The following MEF2B variants were observed in gnomAD, a reference collection of about 807,000 sequenced individuals.
MEF2B encodes myocyte-specific enhancer factor 2B.
In MEF2B, 15 loss-of-function variants were observed where a neutral mutation model predicts 32.2. The ratio of observed to expected loss-of-function variants is 0.47; its 90% CI spans 0.31 to 0.72. The LOEUF is 0.72. Among genes scored for constraint, MEF2B ranks in the 30% least tolerant of loss-of-function variants. The pLI is 0.05. For synonymous variants in MEF2B, 205 were observed against 225.6 expected, an observed-to-expected ratio of 0.91 and a Z score of 0.82; for missense variants, 441 against 511.5, an observed-to-expected ratio of 0.86 and a Z score of 1.33.
chr19:19,147,100 T>C lies in MEF2B; in HGVS notation c.477A>G (p.Glu159=). Residue 159 remains glutamate, a synonymous_variant, in exon 5 of 9, where the codon GAA becomes GAG. Coordinates refer to ENST00000424583, the MANE Select transcript of MEF2B (RefSeq NM_001145785.2). ...ATGGGCGGCTCTGGGCGGGCAGTGC[T>C]TCCCCAAGCCCACTGGGGTCACAGC... ...PPGCDPSGLG[E]ALPAQSRPSP... The C allele has an allele frequency of 6.2e-7, 1 of 1,609,174 alleles. No homozygotes were observed.
At chr19:19,146,677 T>C in intron 6 of MEF2B, 29 bp from the exon 7 acceptor site, 1 of 1,613,428 alleles carries the variant, frequency 6.2e-7, no homozygotes, top group Non-Finnish European at 8.5e-7. Flanking sequence ...AAGGGGAAAC[T>C]GAGGCCCACA....
chr19:19,147,027 C>T lies in MEF2B; in HGVS notation c.541+9G>A. ...GGACCTCACCCCTGCCCCACTGTCC[C>T]ATGCTCACCTGGGGGCCCGGCTTTG... On this transcript the variant is annotated intron_variant, in intron 5 of 8. Coordinates refer to ENST00000424583, the MANE Select transcript of MEF2B (RefSeq NM_001145785.2). The T allele has an allele frequency of 6.3e-7, 1 of 1,594,742 alleles. No individual in the cohort carries two copies. Among genetic ancestry groups the T allele is most frequent in the Non-Finnish European group, 8.5e-7 (1 of 1,171,490 alleles).
At chr19:19,154,914 G>A (rs2060110233) in intron 1 of MEF2B, among the ~76,000 whole-genome samples, 2 of 152,194 alleles carry the variant, frequency 1.3e-5, no homozygotes, top group African/African-American at 4.8e-5. Flanking sequence ...TCTGTGCTAG[G>A]CCTGTGCCTT....
At chr19:19,168,145 T>C (rs1372158296) in intron 1 of MEF2B, among the ~76,000 whole-genome samples, 1 of 152,212 alleles carries the variant, frequency 6.6e-6, no homozygotes, top group Non-Finnish European at 1.5e-5. Flanking sequence ...TCCAGTTTCC[T>C]TCACTCCAAG....
At chr19:19,156,049 G>C (rs1241010110) in intron 1 of MEF2B, among the ~76,000 whole-genome samples, 1 of 152,176 alleles carries the variant, frequency 6.6e-6, no homozygotes, top group Non-Finnish European at 1.5e-5. Flanking sequence ...CGCAGAGGCT[G>C]GATGGGAGCC....
intron 1 of MEF2B, among the ~76,000 whole-genome samples, chr19:19,169,828 T>A (rs2146392228): frequency 6.6e-6 from 1 of 152,134 alleles, no homozygotes; most frequent in African/African-American, 2.4e-5. Flanking sequence ...GATGCGCTAA[T>A]GCTAAAGGAG....
intron 1 of MEF2B, among the ~76,000 whole-genome samples, chr19:19,165,366 C>A (rs772445502): frequency 6.6e-6 from 1 of 152,076 alleles, no homozygotes; most frequent in Non-Finnish European, 1.5e-5. Flanking sequence ...TTGCTTGAAC[C>A]CGGGAGGCGG....
At position 19,152,287 on chromosome 19, in the gene MEF2B, G is replaced by A. The variant is rs115682918; in HGVS notation, c.-29-1523C>T. 2.8e-3 allele frequency among the ~76,000 whole-genome samples: 429 copies of A among 150,838 alleles called. 2 individuals carry two copies. Among genetic ancestry groups the A allele is most frequent in the African/African-American group, 0.01 (416 of 41,062 alleles). Reference sequence around the variant, plus strand: ...TTAAAAATGCAAAAATTAACCAGCTGTCGTGGCGCACACCTGTAGTCCCAG... The same window carrying A: ...TTAAAAATGCAAAAATTAACCAGCTATCGTGGCGCACACCTGTAGTCCCAG... On this transcript the variant is annotated intron_variant, in intron 1 of 8. Transcript: ENST00000424583.
At position 19,145,668 on chromosome 19, in the gene MEF2B, C is replaced by T; in HGVS notation, c.*129G>A. 2 of 1,540,212 alleles carry T rather than the reference C, an allele frequency of 1.3e-6. No homozygotes were observed. The highest frequency in any genetic ancestry group is 2.0e-5 in the Admixed American group (1 of 48,802). On this transcript the variant is annotated 3_prime_UTR_variant, in exon 9 of 9. Coordinates refer to ENST00000424583, the MANE Select transcript of MEF2B (RefSeq NM_001145785.2). The surrounding 1 kb of genome is among the most constrained non-coding windows in gnomAD (Gnocchi z 4.6). ...GTGGATTGAGTCCAGCCGCCCACCTCCAAGCCCCCACCGCGGAGGGGGGCG... is the reference window on the plus strand; with the variant it reads ...GTGGATTGAGTCCAGCCGCCCACCTTCAAGCCCCCACCGCGGAGGGGGGCG...
At chr19:19,148,026 C>T (rs1476885537) in intron 3 of MEF2B, among the ~76,000 whole-genome samples, 194 bp from the exon 4 acceptor site, 1 of 152,054 alleles carries the variant, frequency 6.6e-6, no homozygotes, top group African/African-American at 2.4e-5. Flanking sequence ...CCCCTGGGAC[C>T]GAAAAGCCCA....
chr19:19,155,679 AG>A (rs1225978610), intron 1 of MEF2B, among the ~76,000 whole-genome samples: 1 of 152,202 alleles, frequency 6.6e-6, no homozygotes, highest in Non-Finnish European at 1.5e-5. Context: ...AAGAATGCGG[AG>A]GCGGCAGGCC....
Position 19,146,833 on chromosome 19 carries a change from T to G in MEF2B, c.584A>C (p.Lys195Thr), listed in dbSNP as rs775752144. 1 of 1,613,716 alleles carries G rather than the reference T, an allele frequency of 6.2e-7. No homozygotes were observed. Among genetic ancestry groups the G allele is most frequent in the Non-Finnish European group, 8.5e-7 (1 of 1,179,892 alleles). The part of the protein sequence containing the change: ...PLFSPSHLTS[K>T]TPPPLYLPTE... ...CGGCAGGTACAGTGGGGGTGGTGTC[T>G]TGCTGGTGAGGTGGCTTGGTGAGAA... Residue 195 changes from lysine to threonine, a missense_variant, in exon 6 of 9, where the codon AAG (lysine) becomes ACG (threonine). Lys to Thr is a moderately conservative substitution (Grantham distance 78, BLOSUM62 -1). This residue lies in a region of MEF2B where 326 missense variants were observed against 328.4 expected (regional missense o/e 0.99). Coordinates refer to ENST00000424583, the MANE Select transcript of MEF2B (RefSeq NM_001145785.2).
rs114353968 is a variant in MEF2B at position 19,154,793 on chromosome 19, C to T, written c.-29-4029G>A. Among the ~76,000 whole-genome samples, 660 of 152,304 alleles carry T rather than the reference C, an allele frequency of 4.3e-3. 1 individual carries two copies. Among genetic ancestry groups the T allele is most frequent in the African/African-American group, 0.015 (626 of 41,574 alleles). On this transcript the variant is annotated intron_variant, in intron 1 of 8. Transcript: ENST00000424583. Reference sequence around the variant, plus strand: ...TGGTTTATTATTTTAAGACTCAGCTCATGGCTTCCATGGGGAGCAGGTCTG... The same window carrying T: ...TGGTTTATTATTTTAAGACTCAGCTTATGGCTTCCATGGGGAGCAGGTCTG...
intron 1 of MEF2B, among the ~76,000 whole-genome samples, chr19:19,163,181 G>C (rs1220778439): frequency 1.3e-5 from 2 of 151,994 alleles, no homozygotes; most frequent in Non-Finnish European, 2.9e-5. Context: ...TTTCAGGCAG[G>C]GTCTCATTCT....
At chr19:19,150,184 G>A (rs1183117532) in intron 2 of MEF2B, among the ~76,000 whole-genome samples, 2 of 120,452 alleles carry the variant, frequency 1.7e-5, no homozygotes, top group Non-Finnish European at 3.7e-5. Context: ...GGGAGGGAGG[G>A]AAGGAAGGAA....
intron 1 of MEF2B, 39 bp from the exon 2 acceptor site, chr19:19,150,803 G>A: frequency 6.2e-7 from 1 of 1,611,290 alleles, no homozygotes; most frequent in Middle Eastern, 1.7e-4. Context: ...TGAGTGGGTG[G>A]AGAGTGGGGA....
In MEF2B at chr19:19,145,972, G is replaced by T; in HGVS notation, c.932C>A (p.Pro311Gln). 1 of 1,439,368 alleles carries T rather than the reference G, an allele frequency of 6.9e-7. No homozygotes were observed. The highest frequency in any genetic ancestry group is 9.1e-7 in the Non-Finnish European group (1 of 1,099,156). The allele number at this position is 1,439,368 out of a possible 1,614,324, so 89.2% of individuals were successfully genotyped here. Residue 311 changes from proline to glutamine, a missense_variant, in exon 9 of 9, where the codon CCG (proline) becomes CAG (glutamine). Coordinates refer to ENST00000424583, the MANE Select transcript of MEF2B (RefSeq NM_001145785.2). The surrounding 1 kb of genome is among the most constrained non-coding windows in gnomAD (Gnocchi z 4.6). ...EEGPPTRGAS[P>Q]PTPPVSIKSE... ...CTTGATGCTGACTGGGGGGGTCGGC[G>T]GGGAGGCGCCGCGGGTTGGGGGACC... is the stretch of plus-strand genomic sequence containing the variant.
At chr19:19,150,418 T>C (rs754899795) in intron 2 of MEF2B, among the ~76,000 whole-genome samples, 22 of 149,912 alleles carry the variant, frequency 1.5e-4, no homozygotes, top group Non-Finnish European at 3.1e-4. Flanking sequence ...TCCCAGCTAC[T>C]CAGGAGGCTG....
At chr19:19,157,981 T>C (rs2060131349) in intron 1 of MEF2B, among the ~76,000 whole-genome samples, 2 of 152,216 alleles carry the variant, frequency 1.3e-5, no homozygotes, top group African/African-American at 4.8e-5. Context: ...GTCCTGTTCC[T>C]GGATCCAAGG....
Sources: allele counts gnomAD v4.1 joint callset (sites outside exome capture counted in the v4.1 genomes callset), GRCh38; gene constraint gnomAD v4.1.1; regional missense constraint gnomAD v4.1.1; non-coding constraint Gnocchi (gnomAD v3.1); transcripts MANE v1.5; gene names NCBI Gene and HGNC (gene_info 2026-07-23, HGNC 2026-07-21).